The following OXNAD1 variants were observed in gnomAD, a reference collection of about 807,000 sequenced individuals.
The protein encoded by OXNAD1 is oxidoreductase NAD binding domain containing 1, also known as oxidoreductase NAD-binding domain-containing protein 1.
A neutral mutation model predicts 32.9 loss-of-function variants in OXNAD1; 34 were observed. The observed-to-expected ratio is 1.03, with a 90% confidence interval of 0.79 to 1.38. OXNAD1 has a LOEUF of 1.38. Among genes scored for constraint, OXNAD1 ranks in the 40% most tolerant of loss-of-function variants. The pLI is 0.00. For missense variants in OXNAD1, 407 were observed against 379.4 expected, an observed-to-expected ratio of 1.07 and a Z score of -0.60; for synonymous variants, 134 against 135.2, an observed-to-expected ratio of 0.99 and a Z score of 0.06.
chr3:16,301,509 T>A lies in OXNAD1; in HGVS notation c.433-117T>A. 2 of 1,260,446 alleles carry A rather than the reference T, an allele frequency of 1.6e-6. No homozygotes were observed. Among genetic ancestry groups the A allele is most frequent in the Non-Finnish European group, 2.2e-6 (2 of 917,386 alleles). The allele number at this position is 1,260,446 out of a possible 1,614,324, so 78.1% of individuals were successfully genotyped here. ...CATCGGGAAAATTGGGAGCAAGCTATAAAAATAGTCTTAAATACTGATAAT... is the reference window on the plus strand; with the variant it reads ...CATCGGGAAAATTGGGAGCAAGCTAAAAAAATAGTCTTAAATACTGATAAT... On this transcript the variant is annotated intron_variant, in intron 6 of 8. Transcript: ENST00000285083. The surrounding 1 kb of genome is among the most constrained non-coding windows in gnomAD (Gnocchi z 4.1).
intron 9 of OXNAD1, among the ~76,000 whole-genome samples, chr3:16,319,914 G>C (rs548292484): frequency 6.6e-6 from 1 of 152,146 alleles, no homozygotes; most frequent in African/African-American, 2.4e-5. Flanking sequence ...GAGTAGGACC[G>C]GGGGAGTCTC....
rs1379933379 is a variant in OXNAD1 at position 16,271,025 on chromosome 3, T to A, written c.73T>A (p.Ser25Thr). The A allele has an allele frequency of 1.9e-6, 3 of 1,614,112 alleles. No homozygotes were observed. The Admixed American group carries it at 5.0e-5, about 27-fold the overall frequency. ...SVGAIRIEAASLRLTLSTLRH... is the reference protein window; with the variant it reads ...SVGAIRIEAATLRLTLSTLRH... ...TGGAGCCATCCGTATTGAGGCTGCG[T>A]CACTGAGATTGACACTCAGCACTTT... is the stretch of plus-strand genomic sequence containing the variant. The change falls in exon 3 of 9, where the codon TCA becomes ACA. Residue 25 changes from serine (S) to threonine (T), a missense_variant. Coordinates refer to ENST00000285083, the MANE Select transcript of OXNAD1 (RefSeq NM_138381.5). This position sits in a 1 kb window ranked among gnomAD's most constrained non-coding sequence, Gnocchi z 4.6.
In OXNAD1 at chr3:16,277,358, A is replaced by G. The variant is rs116162555; in HGVS notation, c.183+5636A>G. Among the ~76,000 whole-genome samples the G allele has an allele frequency of 0.015, 2,261 of 152,214 alleles. 50 individuals carry two copies. Among genetic ancestry groups the G allele is most frequent in the African/African-American group, 0.051 (2,121 of 41,520 alleles). On this transcript the variant is annotated intron_variant, in intron 4 of 8. Coordinates refer to ENST00000285083, the MANE Select transcript of OXNAD1 (RefSeq NM_138381.5). This position sits in a 1 kb window ranked among gnomAD's most constrained non-coding sequence, Gnocchi z 4.3. Reference sequence around the variant, plus strand: ...ATATGGTCATTAGGAACTTGCCCCAATCTCCAGAGGGTGCTCCTAGCCATA... The same window carrying G: ...ATATGGTCATTAGGAACTTGCCCCAGTCTCCAGAGGGTGCTCCTAGCCATA...
Position 16,303,743 on chromosome 3 carries a change from A to C in OXNAD1, c.*181A>C. 1 of 587,128 alleles carries C rather than the reference A, an allele frequency of 1.7e-6. No homozygotes were observed. Among genetic ancestry groups the C allele is most frequent in the African/African-American group, 1.9e-5 (1 of 53,282 alleles). The allele number at this position is 587,128 out of a possible 1,614,324, so 36.4% of individuals were successfully genotyped here. On this transcript the variant is annotated 3_prime_UTR_variant, in exon 9 of 9. Coordinates refer to ENST00000285083, the MANE Select transcript of OXNAD1 (RefSeq NM_138381.5). The surrounding 1 kb of genome is among the most constrained non-coding windows in gnomAD (Gnocchi z 4.8). ...CAGACTTAAATGATAAACTTTTTGC[A>C]AAGACCTCAGTGATCAAACTATTTT...
chr3:16,303,744 A>G lies in OXNAD1; in HGVS notation c.*182A>G, dbSNP rs2067350096. Reference sequence around the variant, plus strand: ...AGACTTAAATGATAAACTTTTTGCAAAGACCTCAGTGATCAAACTATTTTT... The same window carrying G: ...AGACTTAAATGATAAACTTTTTGCAGAGACCTCAGTGATCAAACTATTTTT... On this transcript the variant is annotated 3_prime_UTR_variant, in exon 9 of 9. Transcript: ENST00000285083. The surrounding 1 kb of genome is among the most constrained non-coding windows in gnomAD (Gnocchi z 4.8). The G allele has an allele frequency of 5.2e-6, 3 of 572,520 alleles. No individual in the cohort carries two copies. The highest frequency in any genetic ancestry group is 8.6e-6 in the Non-Finnish European group (3 of 347,028). The allele number at this position is 572,520 out of a possible 1,614,324, so 35.5% of individuals were successfully genotyped here.
At position 16,346,446 on chromosome 3, in the gene OXNAD1, G is replaced by A. The variant is rs1302250093; in HGVS notation, c.*31-2730G>A. The A allele has an allele frequency of 6.6e-6, 1 of 152,180 alleles. No individual in the cohort carries two copies. Among genetic ancestry groups the A allele is most frequent in the Non-Finnish European group, 1.5e-5 (1 of 68,048 alleles). The allele number at this position is 152,180 out of a possible 1,614,324, so 9.4% of individuals were successfully genotyped here. On this transcript the variant is annotated intron_variant, in intron 9 of 9. Transcript: ENST00000606098. This position sits in a 1 kb window ranked among gnomAD's most constrained non-coding sequence, Gnocchi z 4.4. ...GATTAAAGGTCAAATACTTCCTTTTGTCATCTCATTATCCAAACCGTCAAC... is the reference window on the plus strand; with the variant it reads ...GATTAAAGGTCAAATACTTCCTTTTATCATCTCATTATCCAAACCGTCAAC...
chr3:16,271,604 T>C lies in OXNAD1; in HGVS notation c.120-55T>C. 4.4e-6 allele frequency: 6 copies of C among 1,356,308 alleles called. No homozygotes were observed. Among genetic ancestry groups the C allele is most frequent in the Non-Finnish European group, 6.1e-6 (6 of 982,458 alleles). 84.0% of individuals were successfully genotyped at this position (1,356,308 alleles called of 1,614,324 possible). A position where few individuals can be genotyped will look rare whatever the true frequency, so the allele number is the denominator to read the frequency against. ...CCATGATATTTCAGGAAAAACTAATTTTATTATTTTTATGAGGATAATATG... is the reference window on the plus strand; with the variant it reads ...CCATGATATTTCAGGAAAAACTAATCTTATTATTTTTATGAGGATAATATG... On this transcript the variant is annotated intron_variant, in intron 3 of 8. Coordinates refer to ENST00000285083, the MANE Select transcript of OXNAD1 (RefSeq NM_138381.5). This position sits in a 1 kb window ranked among gnomAD's most constrained non-coding sequence, Gnocchi z 4.6.
chr3:16,271,203 T>A lies in OXNAD1; in HGVS notation c.119+132T>A, dbSNP rs1264081165. 3 of 1,112,592 alleles carry A rather than the reference T, an allele frequency of 2.7e-6. No homozygotes were observed. Among genetic ancestry groups the A allele is most frequent in the Non-Finnish European group, 3.7e-6 (3 of 818,824 alleles). 68.9% of individuals were successfully genotyped at this position (1,112,592 alleles called of 1,614,324 possible). On this transcript the variant is annotated intron_variant, in intron 3 of 8. Coordinates refer to ENST00000285083, the MANE Select transcript of OXNAD1 (RefSeq NM_138381.5). The surrounding 1 kb of genome is among the most constrained non-coding windows in gnomAD (Gnocchi z 4.6). ...CTTCAATGTGCATGCTGTCAGGTTG[T>A]TAACCGTTTTTTTTGTCTGAGATGG...
At chr3:16,268,113 T>C (rs2064667265) in intron 1 of OXNAD1, among the ~76,000 whole-genome samples, 1 of 152,198 alleles carries the variant, frequency 6.6e-6, no homozygotes, top group Non-Finnish European at 1.5e-5. Context: ...GATTAAATGC[T>C]TACAGTATGG....
intron 1 of OXNAD1, 21 bp from the exon 2 acceptor site, chr3:16,269,105 A>G: frequency 1.4e-6 from 2 of 1,453,216 alleles, no homozygotes; most frequent in Non-Finnish European, 1.8e-6. Context: ...ACATTGTTAT[A>G]TGTTGTTTGT....
chr3:16,337,740 CAAA>C (rs5846920), downstream of OXNAD1, among the ~76,000 whole-genome samples: 83 of 95,158 alleles, frequency 8.7e-4, 1 homozygote, highest in African/African-American at 2.0e-3. This position sits in a 1 kb window ranked among gnomAD's most constrained non-coding sequence, Gnocchi z 5.0. Flanking sequence ...GACTCCATCT[CAAA>C]AAAAAAAAAA....
At position 16,335,613 on chromosome 3, in the gene OXNAD1, T is replaced by TGG. The variant is rs893650495; in HGVS notation, c.*31-1497_*31-1496dup. Among the ~76,000 whole-genome samples, 28 of 151,952 alleles carry TGG rather than the reference T, an allele frequency of 1.8e-4. No homozygotes were observed. The highest frequency in any genetic ancestry group is 2.6e-4 in the Admixed American group (4 of 15,266). The stretch of plus-strand genomic sequence containing the variant: ...ACACATGGTGGGGAGCAACACACAC[T>TGG]GGGACCTGTTGGAGGTGTGGGAGGA... On this transcript the variant is annotated intron_variant, in intron 9 of 9. Coordinates refer to the OXNAD1 transcript ENST00000435829. This position sits in a 1 kb window ranked among gnomAD's most constrained non-coding sequence, Gnocchi z 4.7.
At chr3:16,313,223 TGC>T in intron 9 of OXNAD1, among the ~76,000 whole-genome samples, 1 of 150,154 alleles carries the variant, frequency 6.7e-6, no homozygotes, top group Non-Finnish European at 1.5e-5. Flanking sequence ...TTTTTTTTTT[TGC>T]AGAGGCAAGT....
In OXNAD1 at chr3:16,301,527, C is replaced by T; in HGVS notation, c.433-99C>T. 7.3e-7 allele frequency: 1 copy of T among 1,369,684 alleles called. No homozygotes were observed. Among genetic ancestry groups the T allele is most frequent in the East Asian group, 2.4e-5 (1 of 42,550 alleles). 84.8% of individuals were successfully genotyped at this position (1,369,684 alleles called of 1,614,324 possible). On this transcript the variant is annotated intron_variant, in intron 6 of 8. Transcript: ENST00000285083. The surrounding 1 kb of genome is among the most constrained non-coding windows in gnomAD (Gnocchi z 4.1). ...CAAGCTATAAAAATAGTCTTAAATA[C>T]TGATAATACAGGAGATAGACCCAGT...
rs1293126335 is a variant in OXNAD1 at position 16,302,350 on chromosome 3, G to A, written c.676-290G>A. 6.6e-6 allele frequency among the ~76,000 whole-genome samples: 1 copy of A among 152,170 alleles called. No individual in the cohort carries two copies. Among genetic ancestry groups the A allele is most frequent in the Non-Finnish European group, 1.5e-5 (1 of 68,034 alleles). ...AGAAACAGTTAAAAGACACAACTGT[G>A]GTCAGTGAAACTGCTGCTTAATTGC... is the stretch of plus-strand genomic sequence containing the variant. On this transcript the variant is annotated intron_variant, in intron 7 of 8. Coordinates refer to ENST00000285083, the MANE Select transcript of OXNAD1 (RefSeq NM_138381.5). The surrounding 1 kb of genome is among the most constrained non-coding windows in gnomAD (Gnocchi z 4.2).
downstream of OXNAD1, among the ~76,000 whole-genome samples, chr3:16,340,191 C>T (rs986615068): frequency 2.0e-4 from 31 of 152,252 alleles, no homozygotes; most frequent in African/African-American, 7.2e-4. Flanking sequence ...GTGCCTGTTT[C>T]TCCATCTCTT....
intron 9 of OXNAD1, among the ~76,000 whole-genome samples, chr3:16,330,521 CT>C (rs2070206196): frequency 6.6e-6 from 1 of 152,204 alleles, no homozygotes; most frequent in African/African-American, 2.4e-5. Flanking sequence ...ACCAACAACA[CT>C]CAAAAGCCAG....
rs574899370 is a variant in OXNAD1, at chr3:16,345,005, G to A, written c.*31-4171G>A. 57 of 152,274 alleles carry A rather than the reference G, an allele frequency of 3.7e-4. 1 individual carries two copies. The highest frequency in any genetic ancestry group is 1.3e-3 in the African/African-American group (55 of 41,556). The allele number at this position is 152,274 out of a possible 1,614,324, so 9.4% of individuals were successfully genotyped here. On this transcript the variant is annotated intron_variant, in intron 9 of 9. Coordinates refer to the OXNAD1 transcript ENST00000606098. The surrounding 1 kb of genome is among the most constrained non-coding windows in gnomAD (Gnocchi z 5.2). ...TTAGGGGGCCACATGGAAAGCATAA[G>A]AAATGGGGGCAGCCCCCAGGAGCAA... is the stretch of plus-strand genomic sequence containing the variant.
At chr3:16,311,870 C>T (rs1167088202) in intron 9 of OXNAD1, among the ~76,000 whole-genome samples, 1 of 152,206 alleles carries the variant, frequency 6.6e-6, no homozygotes, top group Admixed American at 6.5e-5. Flanking sequence ...CCATGGTTCA[C>T]GAGGCCCTTC....
Sources: gnomAD v4.1 joint callset for allele counts (sites outside exome capture counted in the v4.1 genomes callset) on GRCh38, gnomAD v4.1.1 for gene constraint, Gnocchi (gnomAD v3.1) non-coding constraint, MANE v1.5 for transcripts, NCBI Gene and HGNC (gene_info 2026-07-23, HGNC 2026-07-21) for gene names.